The following SDCCAG8 variants were observed in gnomAD, a reference collection of about 807,000 sequenced individuals.
SDCCAG8 encodes serologically defined colon cancer antigen 8.
A neutral mutation model predicts 101.8 loss-of-function variants in SDCCAG8; 74 were observed. The ratio of observed to expected loss-of-function variants is 0.73; its 90% CI spans 0.60 to 0.88. SDCCAG8 has a LOEUF of 0.88. Among genes scored for constraint, SDCCAG8 ranks in the 40% least tolerant of loss-of-function variants. SDCCAG8 has a pLI of 0.00. For missense variants in SDCCAG8, 787 were observed against 822.6 expected (o/e 0.96, Z 0.53); for synonymous variants, 281 against 292.9 (o/e 0.96, Z 0.41).
At chr1:243,430,823 A>T (rs2081697274) in intron 16 of SDCCAG8, among the ~76,000 whole-genome samples, 1 of 152,142 alleles carries the variant, frequency 6.6e-6, no homozygotes, top group Non-Finnish European at 1.5e-5. Context: ...AATAGAGGAG[A>T]TGTGATCAGA....
intron 1 of SDCCAG8, among the ~76,000 whole-genome samples, chr1:243,263,575 A>G (rs577023573): frequency 1.3e-5 from 2 of 152,232 alleles, no homozygotes; most frequent in Non-Finnish European, 2.9e-5. Flanking sequence ...AAGAAATACC[A>G]GGTGTATCCC....
intron 13 of SDCCAG8, among the ~76,000 whole-genome samples, chr1:243,380,413 A>G (rs2077865371): frequency 6.6e-6 from 1 of 152,216 alleles, no homozygotes; most frequent in Non-Finnish European, 1.5e-5. Context: ...GAAATAGGAC[A>G]GCTTTTAATG....
intron 5 of SDCCAG8, among the ~76,000 whole-genome samples, chr1:243,286,756 G>T (rs1367289335): frequency 6.6e-6 from 1 of 152,152 alleles, no homozygotes; most frequent in Admixed American, 6.5e-5. Flanking sequence ...TTTCCTTGAG[G>T]TCTGAAATCT....
intron 16 of SDCCAG8, among the ~76,000 whole-genome samples, chr1:243,438,001 G>A (rs1574044434): frequency 1.3e-5 from 2 of 152,288 alleles, no homozygotes; most frequent in East Asian, 3.9e-4. Flanking sequence ...GAGGCAGTGG[G>A]CCTTTTTCCT....
chr1:243,402,457 CAT>C (rs1192588503), intron 13 of SDCCAG8, among the ~76,000 whole-genome samples: 4 of 146,006 alleles, frequency 2.7e-5, no homozygotes, highest in African/African-American at 7.6e-5. Context: ...GTTTTAATAA[CAT>C]AATTTATTTA....
chr1:243,477,452 G>A (rs1381523288), intron 16 of SDCCAG8, among the ~76,000 whole-genome samples: 1 of 152,162 alleles, frequency 6.6e-6, no homozygotes, highest in Non-Finnish European at 1.5e-5. Flanking sequence ...GATTCATAAC[G>A]TGTCAACTCC....
At chr1:243,471,902 A>G (rs1661349378) in intron 16 of SDCCAG8, among the ~76,000 whole-genome samples, 1 of 152,230 alleles carries the variant, frequency 6.6e-6, no homozygotes, top group Admixed American at 6.5e-5. Context: ...TAAATACTGT[A>G]TGAATATACT....
intron 8 of SDCCAG8, among the ~76,000 whole-genome samples, chr1:243,313,562 G>A (rs2072959869): frequency 6.6e-6 from 1 of 152,184 alleles, no homozygotes; most frequent in Non-Finnish European, 1.5e-5. Flanking sequence ...TCTGGATCAT[G>A]GAATGTTGCA....
chr1:243,386,437 C>T (rs1370731082), intron 13 of SDCCAG8, among the ~76,000 whole-genome samples: 2 of 152,090 alleles, frequency 1.3e-5, no homozygotes, highest in East Asian at 1.9e-4. Context: ...CGCGGTGGCT[C>T]ACGCCTGTAA....
At chr1:243,483,306 G>A (rs928827696) in intron 16 of SDCCAG8, among the ~76,000 whole-genome samples, 1 of 152,068 alleles carries the variant, frequency 6.6e-6, no homozygotes, top group African/African-American at 2.4e-5. Flanking sequence ...CAGCGTCCCC[G>A]CCGCCACCCC....
At chr1:243,265,004 C>T (rs1476178332) in intron 1 of SDCCAG8, among the ~76,000 whole-genome samples, 1 of 152,148 alleles carries the variant, frequency 6.6e-6, no homozygotes, top group African/African-American at 2.4e-5. Context: ...AATCTGGTTT[C>T]CTTAAATGTA....
At chr1:243,462,882 A>G (rs1376467620) in intron 16 of SDCCAG8, among the ~76,000 whole-genome samples, 1 of 152,150 alleles carries the variant, frequency 6.6e-6, no homozygotes, top group Non-Finnish European at 1.5e-5. Context: ...AAAAAACCCT[A>G]GGCTCTTTGG....
rs959929108 is a variant in SDCCAG8 at position 243,262,138 on chromosome 1, A to C, written c.67+5898A>C. Among the ~76,000 whole-genome samples the C allele has an allele frequency of 8.9e-5, 10 of 112,376 alleles. 1 individual carries two copies. The highest frequency in any genetic ancestry group is 3.0e-4 in the Admixed American group (3 of 9,838). 73.7% of individuals were successfully genotyped at this position (112,376 alleles called of 152,430 possible). A position where few individuals can be genotyped will look rare whatever the true frequency, so the allele number is the denominator to read the frequency against. On this transcript the variant is annotated intron_variant, in intron 1 of 17. Transcript: ENST00000366541. ...TTTTTTTCTTTTGAGACAGGGTCTT[A>C]TTCTTTTGCCCAGGCTGGAGTGCAG... is the stretch of plus-strand genomic sequence containing the variant.
intron 12 of SDCCAG8, among the ~76,000 whole-genome samples, chr1:243,355,700 G>C (rs968319642): frequency 6.6e-6 from 1 of 152,112 alleles, no homozygotes; most frequent in South Asian, 2.1e-4. Flanking sequence ...TGACCTCCTG[G>C]GTTCAAGTGA....
intron 12 of SDCCAG8, among the ~76,000 whole-genome samples, chr1:243,361,781 CTG>C (rs1044612348): frequency 2.6e-5 from 4 of 152,204 alleles, no homozygotes; most frequent in South Asian, 2.1e-4. Flanking sequence ...AATGTATACT[CTG>C]TTATTCTCTC....
At chr1:243,350,364 A>AC (rs1429265781) in intron 12 of SDCCAG8, among the ~76,000 whole-genome samples, 2 of 151,402 alleles carry the variant, frequency 1.3e-5, no homozygotes, top group Non-Finnish European at 2.9e-5. Flanking sequence ...GCACGCCACC[A>AC]CCCCCAGCTA....
intron 9 of SDCCAG8, among the ~76,000 whole-genome samples, chr1:243,327,250 TCA>T (rs1199932063): frequency 1.3e-5 from 2 of 151,118 alleles, no homozygotes; most frequent in African/African-American, 4.8e-5. Context: ...TTTATAGCAT[TCA>T]GTTACTATAA....
At chr1:243,283,664 G>C (rs1157599916) in intron 4 of SDCCAG8, among the ~76,000 whole-genome samples, 3 of 151,878 alleles carry the variant, frequency 2.0e-5, no homozygotes, top group Non-Finnish European at 4.4e-5. Flanking sequence ...TCATCTCTCT[G>C]CTTATATTAC....
rs533497209 is a variant in SDCCAG8 at position 243,263,218 on chromosome 1, T to TG, written c.68-6887_68-6886insG. 2.6e-4 allele frequency among the ~76,000 whole-genome samples: 39 copies of TG among 152,354 alleles called. No individual in the cohort carries two copies. In the South Asian group the frequency reaches 4.3e-3, roughly 17 times the overall value. On this transcript the variant is annotated intron_variant, in intron 1 of 17. Transcript: ENST00000366541. ...TATTGACTTGAAAACTGTCTTGTTT[T>TG]ATTGATTTTTTTTTATTGTCACAAT...
Sources: allele counts gnomAD v4.1 joint callset (sites outside exome capture counted in the v4.1 genomes callset), GRCh38; gene constraint gnomAD v4.1.1; transcripts MANE v1.5; gene names NCBI Gene and HGNC (gene_info 2026-07-23, HGNC 2026-07-21).